The following PDE1A variants were observed in gnomAD, a reference collection of about 807,000 sequenced individuals.
PDE1A encodes the protein dual specificity calcium/calmodulin-dependent 3',5'-cyclic nucleotide phosphodiesterase 1A.
In PDE1A, 35 loss-of-function variants were observed where a neutral mutation model predicts 61.7. The observed-to-expected ratio is 0.57, with a 90% CI of 0.43 to 0.75. The LOEUF (loss-of-function observed/expected upper bound fraction) is 0.75. PDE1A is among the 30% of genes least tolerant of loss of function. The pLI is 0.00. For synonymous variants in PDE1A, 232 were observed against 213.2 expected (o/e 1.09, Z -0.77); for missense variants, 597 against 630.6 (o/e 0.95, Z 0.57).
chr2:182,395,410 G>A (rs1031447685), intron 1 of PDE1A, among the ~76,000 whole-genome samples: 1 of 152,178 alleles, frequency 6.6e-6, no homozygotes, highest in Non-Finnish European at 1.5e-5. Flanking sequence ...ACATTTGTGT[G>A]CCAGAGGACA....
the PDE1A span, among the ~76,000 whole-genome samples, chr2:182,640,093 A>C: frequency 6.6e-6 from 1 of 152,204 alleles, no homozygotes; most frequent in East Asian, 1.9e-4. Context: ...GAGGACAGTA[A>C]AGCAATACCT....
At chr2:182,165,018 C>T (rs919864472), downstream of PDE1A, among the ~76,000 whole-genome samples, 2 of 152,102 alleles carry the variant, frequency 1.3e-5, no homozygotes, top group African/African-American at 2.4e-5. Context: ...GCATGTTTCC[C>T]ATTCTCCTGA....
intron 1 of PDE1A, among the ~76,000 whole-genome samples, chr2:182,385,955 C>G (rs1397465127): frequency 1.2e-4 from 18 of 152,158 alleles, no homozygotes; most frequent in Admixed American, 1.2e-3. Context: ...ACTGCAACCT[C>G]CCTGCCTGAT....
chr2:182,354,432 C>T (rs1490602740), intron 1 of PDE1A, among the ~76,000 whole-genome samples: 2 of 152,118 alleles, frequency 1.3e-5, no homozygotes, highest in Non-Finnish European at 2.9e-5. Flanking sequence ...AGGAAAATCA[C>T]GTTTTCTGCC....
At chr2:182,348,495 C>A (rs1352364832) in intron 1 of PDE1A, among the ~76,000 whole-genome samples, 2 of 152,070 alleles carry the variant, frequency 1.3e-5, no homozygotes, top group Non-Finnish European at 2.9e-5. Context: ...GAAAAGATTT[C>A]CTCCCATATT....
intron 13 of PDE1A, among the ~76,000 whole-genome samples, chr2:182,180,573 T>A (rs1684675812): frequency 6.6e-6 from 1 of 152,142 alleles, no homozygotes; most frequent in Non-Finnish European, 1.5e-5. Context: ...CTGGCGTTGA[T>A]CTTCTCATGG....
At chr2:182,281,258 A>G (rs1693784074) in intron 1 of PDE1A, among the ~76,000 whole-genome samples, 1 of 151,942 alleles carries the variant, frequency 6.6e-6, no homozygotes, top group Non-Finnish European at 1.5e-5. Context: ...GTCAAGTTCT[A>G]TAACACGGAT....
At chr2:182,564,845 C>T in the PDE1A span, among the ~76,000 whole-genome samples, 7 of 152,148 alleles carry the variant, frequency 4.6e-5, no homozygotes, top group African/African-American at 7.2e-5. Flanking sequence ...TTGATCGCAT[C>T]GGCTCCTGAG....
intron 13 of PDE1A, among the ~76,000 whole-genome samples, chr2:182,171,496 G>GAGAT (rs1222563170): frequency 1.3e-5 from 2 of 151,812 alleles, no homozygotes; most frequent in African/African-American, 4.8e-5. Context: ...AATGAGAAGA[G>GAGAT]AGATAGATAG....
chr2:182,393,503 C>T (rs184132607), intron 1 of PDE1A, among the ~76,000 whole-genome samples: 37 of 152,264 alleles, frequency 2.4e-4, no homozygotes, highest in African/African-American at 8.7e-4. Flanking sequence ...CTCCTCATTG[C>T]TTATGCAAAT....
the PDE1A span, among the ~76,000 whole-genome samples, chr2:182,582,972 C>T: frequency 1.1e-4 from 16 of 152,154 alleles, no homozygotes; most frequent in East Asian, 1.9e-4. Context: ...TTCCTTTTTG[C>T]GCTTGAACCA....
At chr2:182,565,677 T>C in the PDE1A span, among the ~76,000 whole-genome samples, 4 of 152,138 alleles carry the variant, frequency 2.6e-5, no homozygotes. Context: ...CTGTTCTTTT[T>C]TGGAAGAAAA....
the PDE1A span, among the ~76,000 whole-genome samples, chr2:182,626,289 C>A: frequency 6.6e-6 from 1 of 151,992 alleles, no homozygotes; most frequent in Non-Finnish European, 1.5e-5. Flanking sequence ...CTGGTGAAAA[C>A]CAGAATAACA....
intron 13 of PDE1A, among the ~76,000 whole-genome samples, chr2:182,174,371 T>C (rs1692530599): frequency 6.6e-6 from 1 of 152,098 alleles, no homozygotes; most frequent in South Asian, 2.1e-4. Flanking sequence ...GGTACTCAGA[T>C]AGATTACTTA....
At chr2:182,466,100 C>T (rs1376233683) in intron 2 of PDE1A, among the ~76,000 whole-genome samples, 1 of 151,572 alleles carries the variant, frequency 6.6e-6, no homozygotes, top group African/African-American at 2.4e-5. Flanking sequence ...ATGTGTTTGT[C>T]ACTTGTTTTC....
chr2:182,374,440 A>T (rs1284670929), intron 1 of PDE1A, among the ~76,000 whole-genome samples: 4 of 152,162 alleles, frequency 2.6e-5, no homozygotes, highest in Non-Finnish European at 4.4e-5. Flanking sequence ...GAGACACAAA[A>T]ATACTAACCA....
intron 2 of PDE1A, among the ~76,000 whole-genome samples, chr2:182,499,237 C>A (rs1185229192): frequency 7.7e-6 from 1 of 130,230 alleles, no homozygotes; most frequent in Non-Finnish European, 1.6e-5. Context: ...AGTGCAGTGG[C>A]GCGATCTCGG....
chr2:182,412,050 T>A (rs1702649296), intron 1 of PDE1A, among the ~76,000 whole-genome samples: 1 of 109,468 alleles, frequency 9.1e-6, no homozygotes, highest in Non-Finnish European at 1.8e-5. Context: ...GGAGTGAGAC[T>A]CCATCTCGAA....
chr2:182,562,639 C>A, the PDE1A span, among the ~76,000 whole-genome samples: 1 of 152,116 alleles, frequency 6.6e-6, no homozygotes, highest in African/African-American at 2.4e-5. Flanking sequence ...GGTACCACTT[C>A]CTCCTTGTAC....
Sources: gnomAD v4.1 joint callset for allele counts (sites outside exome capture counted in the v4.1 genomes callset) on GRCh38, gnomAD v4.1.1 for gene constraint, MANE v1.5 for transcripts, NCBI Gene and HGNC (gene_info 2026-07-23, HGNC 2026-07-21) for gene names.